TSPYL1: variants seen among roughly 807,000 people sequenced by gnomAD.
TSPYL1 encodes TSPY like 1.
Under a neutral mutation model 20.1 loss-of-function variants are expected in TSPYL1, and 16 were observed. That is an observed-to-expected ratio of 0.80 (90% CI 0.54 to 1.21). The LOEUF is 1.21. TSPYL1 is among the 50% of genes most tolerant of loss of function. TSPYL1 has a pLI of 0.00. For synonymous variants in TSPYL1, 259 were observed against 227.1 expected (o/e 1.14, Z -1.26); for missense variants, 560 against 569.3 (o/e 0.98, Z 0.17).
In TSPYL1 at chr6:116,278,950, C is replaced by T. The variant is rs1348005854; in HGVS notation, c.881G>A (p.Arg294Lys). 6.2e-7 allele frequency: 1 copy of T among 1,614,112 alleles called. No individual in the cohort carries two copies. Among genetic ancestry groups the T allele is most frequent in the Non-Finnish European group, 8.5e-7 (1 of 1,180,024 alleles). The change falls in exon 1 of 1, where the codon AGG (arginine) becomes AAG (lysine). Residue 294 changes from arginine to lysine, a missense_variant. By Grantham distance (26) the Arg-to-Lys change is conservative (BLOSUM62 2). Coordinates refer to ENST00000368608, the MANE Select transcript of TSPYL1 (RefSeq NM_003309.4). The stretch of plus-strand genomic sequence containing the variant: ...CCTTAACATCTCTGCATCTTGGCCC[C>T]TAATCATGGCGGACAACTGGGGGTG... Reference protein sequence around the residue: ...RNHPQLSAMIRGQDAEMLRYI... With the variant: ...RNHPQLSAMIKGQDAEMLRYI...
rs1359286366 is a variant in TSPYL1, at chr6:116,275,064, T to C, written c.*3453A>G. On this transcript the variant is annotated 3_prime_UTR_variant, in exon 1 of 1. Coordinates refer to ENST00000368608, the MANE Select transcript of TSPYL1 (RefSeq NM_003309.4). ...GCAATCAATATGAAAAAAATTGAGA[T>C]ATTTTAACATTTTTCTTTCCATACT... is the stretch of plus-strand genomic sequence containing the variant. Among the ~76,000 whole-genome samples the C allele has an allele frequency of 6.6e-6, 1 of 152,238 alleles. No individual in the cohort carries two copies. Among genetic ancestry groups the C allele is most frequent in the Non-Finnish European group, 1.5e-5 (1 of 68,032 alleles).
chr6:116,279,558 A>G lies in TSPYL1; in HGVS notation c.273T>C (p.His91=), dbSNP rs370922409. 6 of 1,603,190 alleles carry G rather than the reference A, an allele frequency of 3.7e-6. No homozygotes were observed. The African/African-American group carries it at 6.7e-5, about 18-fold the overall frequency. The change falls in exon 1 of 1, where the codon CAT becomes CAC. Residue 91 remains histidine, a synonymous_variant. Coordinates refer to ENST00000368608, the MANE Select transcript of TSPYL1 (RefSeq NM_003309.4). The stretch of plus-strand genomic sequence containing the variant: ...CTTCCTGCCCGGCTTTGATCGCCAC[A>G]TGACCGCGACCCCCAACAACTCGGA... ...PQIRVVGGRG[H]VAIKAGQEEG...
At position 116,278,719 on chromosome 6, in the gene TSPYL1, T is replaced by C. The variant is rs767682435; in HGVS notation, c.1112A>G (p.Gln371Arg). The C allele has an allele frequency of 3.7e-6, 6 of 1,614,150 alleles. No homozygotes were observed. The highest frequency in any genetic ancestry group is 1.7e-5 in the Admixed American group (1 of 60,026). The part of the protein sequence containing the change: ...HEPQSFIRRN[Q>R]DLICSFFTWF... The stretch of plus-strand genomic sequence containing the variant: ...AGTGAAGAAGCTGCAGATGAGGTCT[T>C]GGTTTCTGCGAATGAAGGACTGGGG... The change falls in exon 1 of 1, where the codon CAA (glutamine) becomes CGA (arginine). Residue 371 changes from glutamine (Q) to arginine (R), a missense_variant. Coordinates refer to ENST00000368608, the MANE Select transcript of TSPYL1 (RefSeq NM_003309.4).
Position 116,279,823 on chromosome 6 carries a change from C to A in TSPYL1, c.8G>T (p.Gly3Val). The change falls in exon 1 of 1, where the codon GGC (glycine) becomes GTC (valine). Residue 3 changes from glycine (G) to valine (V), a missense_variant. Gly to Val is a moderately radical substitution (Grantham distance 109). Transcript: ENST00000368608. MS[G>V]LDGVKRTTPL... ...AGTGGTCCTCTTGACCCCATCCAGGCCGCTCATGTTGCTAACAGTCGGACC... is the reference window on the plus strand; with the variant it reads ...AGTGGTCCTCTTGACCCCATCCAGGACGCTCATGTTGCTAACAGTCGGACC... 6.2e-7 allele frequency: 1 copy of A among 1,613,058 alleles called. No individual in the cohort carries two copies. Among genetic ancestry groups the A allele is most frequent in the South Asian group, 1.1e-5 (1 of 91,090 alleles).
In TSPYL1 at chr6:116,276,473, C is replaced by T. The variant is rs573034514; in HGVS notation, c.*2044G>A. ...GCAAACTACCTTGGAAGGTACCAAA[C>T]ATACCGTGCCCTGCTTTCTTCTCTT... On this transcript the variant is annotated 3_prime_UTR_variant, in exon 1 of 1. Transcript: ENST00000368608. 4 of 152,360 alleles carry T rather than the reference C, an allele frequency of 2.6e-5. No homozygotes were observed. The highest frequency in any genetic ancestry group is 5.9e-5 in the Non-Finnish European group (4 of 68,034). The allele number at this position is 152,360 out of a possible 1,614,324, so 9.4% of individuals were successfully genotyped here. A position where few individuals can be genotyped will look rare whatever the true frequency, so the allele number is the denominator to read the frequency against.
At position 116,279,108 on chromosome 6, in the gene TSPYL1, A is replaced by T. The variant is rs373867202; in HGVS notation, c.723T>A (p.Thr241=). Residue 241 remains threonine, a synonymous_variant, in exon 1 of 1, where the codon ACT becomes ACA. Transcript: ENST00000368608. Reference sequence around the variant, plus strand: ...AGGCCCTGTCGGCCTGAGCATTCACAGTGTCCAGTTCCAGCTGGATGGCCT... The same window carrying T: ...AGGCCCTGTCGGCCTGAGCATTCACTGTGTCCAGTTCCAGCTGGATGGCCT... ...PLEAIQLELD[T]VNAQADRAFQ... 4 of 1,613,986 alleles carry T rather than the reference A, an allele frequency of 2.5e-6. No individual in the cohort carries two copies. The Admixed American group carries it at 5.0e-5, about 20-fold the overall frequency.
rs543398966 is a variant in TSPYL1, at chr6:116,279,743, C to T, written c.88G>A (p.Ala30Thr). 6 of 1,611,914 alleles carry T rather than the reference C, an allele frequency of 3.7e-6. No individual in the cohort carries two copies. The African/African-American group carries it at 5.3e-5, about 14-fold the overall frequency. Residue 30 changes from alanine (A) to threonine (T), a missense_variant, in exon 1 of 1, where the codon GCA (alanine) becomes ACA (threonine). Ala to Thr is a moderately conservative substitution (Grantham distance 58, BLOSUM62 0). Transcript: ENST00000368608. ...TCGCGGAGCCTCAGGTACTGGTGTG[C>T]GTCCTGGTCGCTCGGGACTTGGTCA... ...ISDQVPSDQD[A>T]HQYLRLRDQS...
rs1169535322 is a variant in TSPYL1, at chr6:116,274,862, G to GT, written c.*3654dup. 6.6e-6 allele frequency among the ~76,000 whole-genome samples: 1 copy of GT among 152,130 alleles called. No homozygotes were observed. Among genetic ancestry groups the GT allele is most frequent in the East Asian group, 1.9e-4 (1 of 5,192 alleles). ...TCACAAGAAGCTTCAGGAGGAGAAAGTATTAACATGTTTAATTTTTACAGA... is the reference window on the plus strand; with the variant it reads ...TCACAAGAAGCTTCAGGAGGAGAAAGTTATTAACATGTTTAATTTTTACAGA... On this transcript the variant is annotated 3_prime_UTR_variant, in exon 1 of 1. Transcript: ENST00000368608.
Position 116,279,668 on chromosome 6 carries a change from C to G in TSPYL1, c.163G>C (p.Glu55Gln). 3 of 1,608,028 alleles carry G rather than the reference C, an allele frequency of 1.9e-6. No individual in the cohort carries two copies. Among genetic ancestry groups the G allele is most frequent in the Non-Finnish European group, 2.5e-6 (3 of 1,179,948 alleles). The change falls in exon 1 of 1, where the codon GAG (glutamate) becomes CAG (glutamine). Residue 55 changes from glutamate to glutamine, a missense_variant. Coordinates refer to ENST00000368608, the MANE Select transcript of TSPYL1 (RefSeq NM_003309.4). ...VMAEPGEGGS[E>Q]TVALPPPPPS... ...GGTGGAGGCGGGAGCGCGACGGTCT[C>G]CGAGCCTCCCTCACCCGGCTCCGCC...
At position 116,275,734 on chromosome 6, in the gene TSPYL1, A is replaced by G. The variant is rs1582922006; in HGVS notation, c.*2783T>C. On this transcript the variant is annotated 3_prime_UTR_variant, in exon 1 of 1. Coordinates refer to ENST00000368608, the MANE Select transcript of TSPYL1 (RefSeq NM_003309.4). ...AGAACTGCTTGAAACCGGGAGGCGG[A>G]AGTTGCAGTGAGCCGAGATCGCGCC... Among the ~76,000 whole-genome samples, 1 of 151,734 alleles carries G rather than the reference A, an allele frequency of 6.6e-6. No individual in the cohort carries two copies. Among genetic ancestry groups the G allele is most frequent in the Admixed American group, 6.6e-5 (1 of 15,214 alleles).
Position 116,279,817 on chromosome 6 carries a change from T to A in TSPYL1, c.14A>T (p.Asp5Val), listed in dbSNP as rs1465014397. The change falls in exon 1 of 1, where the codon GAT becomes GTT. Residue 5 changes from aspartate to valine, a missense_variant. Coordinates refer to ENST00000368608, the MANE Select transcript of TSPYL1 (RefSeq NM_003309.4). ...GAGGGGAGTGGTCCTCTTGACCCCA[T>A]CCAGGCCGCTCATGTTGCTAACAGT... Reference protein sequence around the residue: MSGLDGVKRTTPLQT... With the variant: MSGLVGVKRTTPLQT... The A allele has an allele frequency of 2.5e-6, 4 of 1,613,030 alleles. No homozygotes were observed. The South Asian group carries it at 4.4e-5, about 18-fold the overall frequency.
rs1773282099 is a variant in TSPYL1, at chr6:116,278,636, C to A, written c.1195G>T (p.Asp399Tyr). Residue 399 changes from aspartate (D) to tyrosine (Y), a missense_variant, in exon 1 of 1, where the codon GAT becomes TAT. By Grantham distance (160) the Asp-to-Tyr change is radical (BLOSUM62 -3). Transcript: ENST00000368608. The part of the protein sequence containing the change: ...SDKIAEIIKE[D>Y]LWPNPLQYYL... ...TATTGCAGTGGATTTGGCCACAGATCCTCTTTAATAATCTCAGCAATTTTG... is the reference window on the plus strand; with the variant it reads ...TATTGCAGTGGATTTGGCCACAGATACTCTTTAATAATCTCAGCAATTTTG... The A allele has an allele frequency of 6.2e-7, 1 of 1,614,030 alleles. No individual in the cohort carries two copies. Among genetic ancestry groups the A allele is most frequent in the African/African-American group, 1.3e-5 (1 of 74,912 alleles).
Position 116,278,629 on chromosome 6 carries a change from C to T in TSPYL1, c.1202G>A (p.Trp401Ter), listed in dbSNP as rs754392904. ...KIAEIIKEDL[W>*]PNPLQYYLLR... ...CAGGTAGTATTGCAGTGGATTTGGCCACAGATCCTCTTTAATAATCTCAGC... is the reference window on the plus strand; with the variant it reads ...CAGGTAGTATTGCAGTGGATTTGGCTACAGATCCTCTTTAATAATCTCAGC... Residue 401 changes from tryptophan (W) to a stop codon, truncating the protein, a stop_gained, in exon 1 of 1, where the codon TGG (tryptophan) becomes TAG (stop). Coordinates refer to ENST00000368608, the MANE Select transcript of TSPYL1 (RefSeq NM_003309.4). LOFTEE classifies it high-confidence loss of function. 1 of 1,614,134 alleles carries T rather than the reference C, an allele frequency of 6.2e-7. No homozygotes were observed. Among genetic ancestry groups the T allele is most frequent in the Non-Finnish European group, 8.5e-7 (1 of 1,180,030 alleles).
rs201943659 is a variant in TSPYL1, at chr6:116,279,239, C to T, written c.592G>A (p.Glu198Lys). Residue 198 changes from glutamate (E) to lysine (K), a missense_variant, in exon 1 of 1, where the codon GAA becomes AAA. Coordinates refer to ENST00000368608, the MANE Select transcript of TSPYL1 (RefSeq NM_003309.4). ...TCCGCCACTTCTATTTCTTCACCTT[C>T]TGGCGGCTGCTCCTCTACCTCCATC... is the stretch of plus-strand genomic sequence containing the variant. ...EQMEVEEQPP[E>K]GEEIEVAEED... 2.3e-5 allele frequency: 37 copies of T among 1,608,904 alleles called. No homozygotes were observed. The highest frequency in any genetic ancestry group is 3.1e-5 in the Non-Finnish European group (36 of 1,179,818).
Position 116,278,308 on chromosome 6 carries a change from C to G in TSPYL1, c.*209G>C, listed in dbSNP as rs1330621707. ...CCTCGTAGCATGTGATATTCCAGAA[C>G]AGCATGAAGGTCATATGGAAGTGGA... On this transcript the variant is annotated 3_prime_UTR_variant, in exon 1 of 1. Transcript: ENST00000368608. 4.9e-6 allele frequency: 3 copies of G among 607,522 alleles called. No individual in the cohort carries two copies. Among genetic ancestry groups the G allele is most frequent in the Non-Finnish European group, 8.7e-6 (3 of 342,904 alleles). The allele number at this position is 607,522 out of a possible 1,614,324, so 37.6% of individuals were successfully genotyped here. A position where few individuals can be genotyped will look rare whatever the true frequency, so the allele number is the denominator to read the frequency against.
rs1276848092 is a variant in TSPYL1, at chr6:116,279,669, C to T, written c.162G>A (p.Ser54=). 4 of 1,607,984 alleles carry T rather than the reference C, an allele frequency of 2.5e-6. 1 individual carries two copies. In the South Asian group the frequency reaches 4.4e-5, roughly 18 times the overall value. Residue 54 remains serine (S), a synonymous_variant, in exon 1 of 1, where the codon TCG becomes TCA. Coordinates refer to ENST00000368608, the MANE Select transcript of TSPYL1 (RefSeq NM_003309.4). The stretch of plus-strand genomic sequence containing the variant: ...GTGGAGGCGGGAGCGCGACGGTCTC[C>T]GAGCCTCCCTCACCCGGCTCCGCCA... The part of the protein sequence containing the change: ...QVMAEPGEGG[S]ETVALPPPPP...
In TSPYL1 at chr6:116,279,067, T is replaced by A. The variant is rs1269295674; in HGVS notation, c.764A>T (p.His255Leu). 5 of 1,613,218 alleles carry A rather than the reference T, an allele frequency of 3.1e-6. No individual in the cohort carries two copies. The highest frequency in any genetic ancestry group is 4.2e-6 in the Non-Finnish European group (5 of 1,179,386). ...GTGTCGACGCATCCGCCCAAACTTG[T>A]GCTCCAGCTGTTGGAAGGCCCTGTC... ...QADRAFQQLE[H>L]KFGRMRRHYL... The change falls in exon 1 of 1, where the codon CAC (histidine) becomes CTC (leucine). Residue 255 changes from histidine (H) to leucine (L), a missense_variant. Coordinates refer to ENST00000368608, the MANE Select transcript of TSPYL1 (RefSeq NM_003309.4).
Position 116,278,350 on chromosome 6 carries a change from C to T in TSPYL1, c.*167G>A. On this transcript the variant is annotated 3_prime_UTR_variant, in exon 1 of 1. Transcript: ENST00000368608. ...GGAAGTGGAGAAGCATACCCACCAC[C>T]GTCTCAATCTTGAGGTTGAGAGAAC... is the stretch of plus-strand genomic sequence containing the variant. 1 of 787,376 alleles carries T rather than the reference C, an allele frequency of 1.3e-6. No homozygotes were observed. Among genetic ancestry groups the T allele is most frequent in the Non-Finnish European group, 2.1e-6 (1 of 482,214 alleles). 48.8% of individuals were successfully genotyped at this position (787,376 alleles called of 1,614,324 possible). A position where few individuals can be genotyped will look rare whatever the true frequency, so the allele number is the denominator to read the frequency against.
At position 116,275,829 on chromosome 6, in the gene TSPYL1, T is replaced by C. The variant is rs1204272106; in HGVS notation, c.*2688A>G. The stretch of plus-strand genomic sequence containing the variant: ...AAAAAAAAAAAAATGCTAGATGCAA[T>C]GAACCATGTAAAATGCACTGCATCT... On this transcript the variant is annotated 3_prime_UTR_variant, in exon 1 of 1. Coordinates refer to ENST00000368608, the MANE Select transcript of TSPYL1 (RefSeq NM_003309.4). 6.7e-6 allele frequency among the ~76,000 whole-genome samples: 1 copy of C among 148,852 alleles called. No individual in the cohort carries two copies. Among genetic ancestry groups the C allele is most frequent in the East Asian group, 1.9e-4 (1 of 5,144 alleles).
Sources: gnomAD v4.1 joint callset for allele counts (sites outside exome capture counted in the v4.1 genomes callset) on GRCh38, gnomAD v4.1.1 for gene constraint, MANE v1.5 for transcripts, NCBI Gene and HGNC (gene_info 2026-07-23, HGNC 2026-07-21) for gene names.